STPG4: variants seen among roughly 807,000 people sequenced by gnomAD.
STPG4 encodes the protein sperm-tail PG-rich repeat containing 4.
A neutral mutation model predicts 31.5 loss-of-function variants in STPG4; 41 were observed. The ratio of observed to expected loss-of-function variants is 1.30; its 90% CI spans 1.01 to 1.69. The LOEUF (loss-of-function observed/expected upper bound fraction) is 1.69, where lower values mean the gene tolerates loss of function less well. Ranked by LOEUF, STPG4 falls within the 40% of genes most tolerant of loss-of-function variation. The pLI is 0.00. For missense variants in STPG4, 375 were observed against 293.4 expected (o/e 1.28, Z -2.03); for synonymous variants, 141 against 103.0 (o/e 1.37, Z -2.24).
chr2:47,093,984 G>A (rs1685623206), intron 5 of STPG4, among the ~76,000 whole-genome samples: 1 of 152,206 alleles, frequency 6.6e-6, no homozygotes, highest in Admixed American at 6.5e-5. Context: ...CTCGGGATGT[G>A]CCATTTCTGA....
intron 5 of STPG4, among the ~76,000 whole-genome samples, chr2:47,121,847 CGTGTGTGTGTGTGTGTGTGTGTGTGT>C (rs10538224): frequency 2.8e-5 from 4 of 144,220 alleles, no homozygotes; most frequent in African/African-American, 5.3e-5. Context: ...GCCCTCTCCT[CGTGTGTGTGTGTGTGTGTGTGTGTGT>C]GTGTGTGTGT....
chr2:47,093,541 G>A (rs1488419808), intron 5 of STPG4, among the ~76,000 whole-genome samples: 1 of 152,186 alleles, frequency 6.6e-6, no homozygotes, highest in Non-Finnish European at 1.5e-5. Flanking sequence ...CCACACCTAT[G>A]ATGGCCATCT....
At chr2:47,093,196 T>C (rs1278567356) in intron 5 of STPG4, among the ~76,000 whole-genome samples, 4 of 152,200 alleles carry the variant, frequency 2.6e-5, no homozygotes, top group Non-Finnish European at 4.4e-5. Context: ...TGGAGTCTGT[T>C]ATTATCAGCC....
At chr2:47,144,706 T>TA (rs572882192) in intron 3 of STPG4, among the ~76,000 whole-genome samples, 3,076 of 151,158 alleles carry the variant, frequency 0.02, 26 homozygotes, top group African/African-American at 0.026. Context: ...GATAAAATAT[T>TA]AAAAAAAAAC....
Position 47,090,600 on chromosome 2 carries a change from C to G in STPG4, c.520-226G>C, listed in dbSNP as rs116534503. Among the ~76,000 whole-genome samples the G allele has an allele frequency of 7.9e-3, 1,198 of 152,234 alleles. 21 individuals are homozygous for G. The highest frequency in any genetic ancestry group is 0.027 in the African/African-American group (1,126 of 41,538). ...TGCACGATGGTGAGGAGTGAAGGAACGTTAGGTGAGCAGTACCTGCCTCCC... is the reference window on the plus strand; with the variant it reads ...TGCACGATGGTGAGGAGTGAAGGAAGGTTAGGTGAGCAGTACCTGCCTCCC... On this transcript the variant is annotated intron_variant, in intron 5 of 6. Coordinates refer to ENST00000445927, the MANE Select transcript of STPG4 (RefSeq NM_001163561.2).
chr2:47,153,882 A>T (rs904719822), intron 1 of STPG4, among the ~76,000 whole-genome samples: 21 of 152,238 alleles, frequency 1.4e-4, no homozygotes, highest in African/African-American at 5.1e-4. Flanking sequence ...CAAGTTAAGA[A>T]GCTGATTATT....
intron 3 of STPG4, among the ~76,000 whole-genome samples, chr2:47,131,500 G>A (rs1052273163): frequency 2.6e-5 from 4 of 152,170 alleles, no homozygotes; most frequent in Non-Finnish European, 4.4e-5. Context: ...GGGGTAAAGC[G>A]CAGCACTAGT....
intron 3 of STPG4, among the ~76,000 whole-genome samples, chr2:47,142,632 A>G (rs956050733): frequency 2.0e-5 from 3 of 152,038 alleles, no homozygotes; most frequent in Non-Finnish European, 2.9e-5. Flanking sequence ...TCTAACCTCT[A>G]CTTTCCAAAT....
At chr2:47,097,953 T>TA (rs35729993) in intron 5 of STPG4, among the ~76,000 whole-genome samples, 8,525 of 130,052 alleles carry the variant, frequency 0.066, 335 homozygotes, top group East Asian at 0.19. Flanking sequence ...CCCCATCTCT[T>TA]AAAAAAAAAA....
At chr2:47,154,432 C>T (rs1686990005) in intron 1 of STPG4, among the ~76,000 whole-genome samples, 2 of 152,194 alleles carry the variant, frequency 1.3e-5, no homozygotes, top group Admixed American at 1.3e-4. Flanking sequence ...CGCGATCAAT[C>T]TAATGGAAGA....
At chr2:47,090,120 C>T in intron 6 of STPG4, 150 bp downstream of exon 6, 2 of 537,648 alleles carry the variant, frequency 3.7e-6, no homozygotes, top group Non-Finnish European at 6.6e-6. Flanking sequence ...ATTGCCTTGA[C>T]AGGCAACTGT....
At chr2:47,153,459 T>C (rs542918962) in intron 1 of STPG4, among the ~76,000 whole-genome samples, 1 of 152,318 alleles carries the variant, frequency 6.6e-6, no homozygotes, top group East Asian at 1.9e-4. Flanking sequence ...GGCATGAGAA[T>C]AAAGCATTGT....
intron 5 of STPG4, among the ~76,000 whole-genome samples, chr2:47,106,841 A>T (rs185230871): frequency 6.6e-6 from 1 of 151,828 alleles, no homozygotes; most frequent in African/African-American, 2.4e-5. Flanking sequence ...CTTCTTATCA[A>T]ATTTGTTTCC....
intron 5 of STPG4, among the ~76,000 whole-genome samples, chr2:47,100,612 G>A (rs1489576217): frequency 1.3e-4 from 19 of 150,956 alleles, no homozygotes; most frequent in Admixed American, 2.6e-4. Flanking sequence ...TTGTTCTTTC[G>A]CTCTTTGCAA....
chr2:47,149,636 C>G (rs1314739492), intron 3 of STPG4, among the ~76,000 whole-genome samples: 1 of 152,192 alleles, frequency 6.6e-6, no homozygotes, highest in Non-Finnish European at 1.5e-5. Context: ...TTTGTGTCCA[C>G]TTTAGTAATT....
intron 5 of STPG4, among the ~76,000 whole-genome samples, chr2:47,105,630 T>C (rs745568531): frequency 2.6e-4 from 40 of 152,142 alleles, no homozygotes; most frequent in Non-Finnish European, 1.2e-4. Context: ...TATATACTGA[T>C]GGAAGTTCAT....
chr2:47,124,377 G>C (rs1686326592), intron 5 of STPG4, among the ~76,000 whole-genome samples: 1 of 151,188 alleles, frequency 6.6e-6, no homozygotes, highest in Non-Finnish European at 1.5e-5. Flanking sequence ...CTATATCTTT[G>C]TATCCATTAA....
At chr2:47,112,748 T>A (rs1226676380) in intron 5 of STPG4, among the ~76,000 whole-genome samples, 5 of 152,128 alleles carry the variant, frequency 3.3e-5, no homozygotes, top group Non-Finnish European at 7.4e-5. Context: ...CACCTTAGAA[T>A]GCAAAACACA....
At chr2:47,120,750 T>G (rs11884689) in intron 5 of STPG4, among the ~76,000 whole-genome samples, 107,791 of 151,920 alleles carry the variant, frequency 0.71, 39,436 homozygotes, top group East Asian at 0.93. Context: ...TTATCTTTTT[T>G]TTATTAAGTT....
Sources: allele counts gnomAD v4.1 joint callset (sites outside exome capture counted in the v4.1 genomes callset), GRCh38; gene constraint gnomAD v4.1.1; transcripts MANE v1.5; gene names NCBI Gene and HGNC (gene_info 2026-07-23, HGNC 2026-07-21).